Variants in TMED10 observed in about 807,000 individuals in gnomAD.
TMED10 encodes the protein transmembrane p24 trafficking protein 10.
Under a neutral mutation model 23.1 loss-of-function variants are expected in TMED10, and 7 were observed. The ratio of observed to expected loss-of-function variants is 0.30; its 90% CI spans 0.17 to 0.57. TMED10 has a LOEUF of 0.57. Among genes scored for constraint, TMED10 ranks in the 20% least tolerant of loss-of-function variants. The pLI, the probability that TMED10 is intolerant of heterozygous loss-of-function variation, is 0.91. For missense variants in TMED10, 162 were observed against 274.8 expected (o/e 0.59, Z 2.90); for synonymous variants, 113 against 106.9 (o/e 1.06, Z -0.35).
At chr14:75,135,582 CTCTCTTGAAAA>C in intron 4 of TMED10, 167 bp downstream of exon 4, 1 of 802,968 alleles carries the variant, frequency 1.2e-6, no homozygotes, top group Non-Finnish European at 1.9e-6. Flanking sequence ...GGAGTTTCTA[CTCTCTTGAAAA>C]TCTAACAAGG....
At chr14:75,161,710 A>G (rs565292094) in intron 1 of TMED10, among the ~76,000 whole-genome samples, 13 of 151,976 alleles carry the variant, frequency 8.6e-5, no homozygotes, top group Admixed American at 8.5e-4. Flanking sequence ...CCTAAGCACT[A>G]CATTTCTCCC....
intron 1 of TMED10, among the ~76,000 whole-genome samples, chr14:75,168,632 T>G (rs941997802): frequency 6.6e-6 from 1 of 151,978 alleles, no homozygotes; most frequent in Non-Finnish European, 1.5e-5. Context: ...AGAAGAAGGG[T>G]TAAGTAATCC....
At chr14:75,144,922 G>A (rs909542422) in intron 3 of TMED10, among the ~76,000 whole-genome samples, 3 of 152,236 alleles carry the variant, frequency 2.0e-5, no homozygotes, top group Non-Finnish European at 4.4e-5. Context: ...GCCTCCCAAA[G>A]TGCTGGGATT....
Position 75,146,907 on chromosome 14 carries a change from C to CTAGATAGA in TMED10, c.411+756_411+757insTCTATCTA, listed in dbSNP as rs1895888994. ...GACTAAACAGCACTGAATCCATGCCCCAGATAGATAGATAGATAGATAGAT... is the reference window on the plus strand; with the variant it reads ...GACTAAACAGCACTGAATCCATGCCCTAGATAGACAGATAGATAGATAGATAGATAGAT... On this transcript the variant is annotated intron_variant, in intron 3 of 4. Transcript: ENST00000303575. Among the ~76,000 whole-genome samples, 7 of 78,998 alleles carry CTAGATAGA rather than the reference C, an allele frequency of 8.9e-5. No homozygotes were observed. The East Asian group carries it at 1.3e-3, about 14-fold the overall frequency. 51.8% of individuals were successfully genotyped at this position (78,998 alleles called of 152,430 possible). A position where few individuals can be genotyped will look rare whatever the true frequency, so the allele number is the denominator to read the frequency against.
At chr14:75,151,964 T>G in intron 2 of TMED10, 68 bp downstream of exon 2, 2 of 1,317,148 alleles carry the variant, frequency 1.5e-6, no homozygotes, top group South Asian at 2.5e-5. Flanking sequence ...TATTAAGTGC[T>G]GACTGTATTA....
At position 75,131,986 on chromosome 14, in the gene TMED10, AAG is replaced by A. The variant is rs1285519972; in HGVS notation, c.*2897_*2898del. 2.0e-5 allele frequency: 3 copies of A among 152,640 alleles called. No individual in the cohort carries two copies. The highest frequency in any genetic ancestry group is 3.8e-4 in the East Asian group (2 of 5,206). 9.5% of individuals were successfully genotyped at this position (152,640 alleles called of 1,614,324 possible). Reference sequence around the variant, plus strand: ...TTTGTCACATCACAAGAACATAACTAAGAGAGTAGCTTTCGTTGCTCCTAAAA... The same window carrying A: ...TTTGTCACATCACAAGAACATAACTAAGAGTAGCTTTCGTTGCTCCTAAAA... On this transcript the variant is annotated 3_prime_UTR_variant, in exon 5 of 5. Transcript: ENST00000303575.
intron 1 of TMED10, among the ~76,000 whole-genome samples, chr14:75,163,300 C>T (rs1896107338): frequency 6.6e-6 from 1 of 151,828 alleles, no homozygotes; most frequent in Non-Finnish European, 1.5e-5. Context: ...CGCCTGTAAT[C>T]CCAGCACTTT....
intron 4 of TMED10, 26 bp downstream of exon 4, chr14:75,135,731 TAAG>T (rs749653029): frequency 2.5e-6 from 4 of 1,609,400 alleles, no homozygotes; most frequent in African/African-American, 2.7e-5. Flanking sequence ...ATGGGTCACT[TAAG>T]AAGTAAGAGT....
At chr14:75,153,229 T>C (rs543026359) in intron 1 of TMED10, among the ~76,000 whole-genome samples, 10 of 152,154 alleles carry the variant, frequency 6.6e-5, no homozygotes, top group Admixed American at 6.5e-5. Context: ...ACTGGGAAGC[T>C]TGCCGTGTCA....
chr14:75,160,522 G>A (rs929738081), intron 1 of TMED10, among the ~76,000 whole-genome samples: 1 of 151,930 alleles, frequency 6.6e-6, no homozygotes, highest in Non-Finnish European at 1.5e-5. Flanking sequence ...AACCACCTTG[G>A]TGAATCAATA....
At chr14:75,170,457 C>A (rs748557762) in intron 1 of TMED10, among the ~76,000 whole-genome samples, 54 of 152,172 alleles carry the variant, frequency 3.5e-4, no homozygotes, top group Middle Eastern at 6.8e-3. Context: ...CAAGATAAGC[C>A]TAGAACACTT....
intron 1 of TMED10, 172 bp downstream of exon 1, chr14:75,176,183 C>T (rs1004815851): frequency 2.5e-6 from 2 of 789,120 alleles, no homozygotes; most frequent in Admixed American, 5.8e-5. Flanking sequence ...CGCCCCGCCC[C>T]GCGACAGGCA....
chr14:75,157,123 C>T (rs990782226), intron 1 of TMED10, among the ~76,000 whole-genome samples: 3 of 152,042 alleles, frequency 2.0e-5, no homozygotes, highest in African/African-American at 4.8e-5. Flanking sequence ...ACATTTCTAG[C>T]GGTACAACCT....
chr14:75,152,927 G>A (rs1895972596), intron 1 of TMED10, among the ~76,000 whole-genome samples: 1 of 152,122 alleles, frequency 6.6e-6, no homozygotes. Context: ...AGACCATCCT[G>A]GCCAACCAAC....
chr14:75,163,797 AT>A (rs529269760), intron 1 of TMED10, among the ~76,000 whole-genome samples: 160 of 144,656 alleles, frequency 1.1e-3, no homozygotes, highest in Middle Eastern at 3.5e-3. Context: ...TATTGTGAGG[AT>A]TTTTTTTTTT....
At chr14:75,136,283 C>G (rs1162253491) in intron 3 of TMED10, among the ~76,000 whole-genome samples, 1 of 152,136 alleles carries the variant, frequency 6.6e-6, no homozygotes, top group East Asian at 1.9e-4. Flanking sequence ...CTCAGCATCC[C>G]AAGTAGCTGG....
chr14:75,151,235 T>G (rs369813007), intron 2 of TMED10, among the ~76,000 whole-genome samples: 15 of 151,860 alleles, frequency 9.9e-5, no homozygotes, highest in African/African-American at 2.4e-4. Context: ...TTGTTTATTT[T>G]TTTGAGATGG....
At chr14:75,163,917 G>C (rs1280675373) in intron 1 of TMED10, among the ~76,000 whole-genome samples, 1 of 151,716 alleles carries the variant, frequency 6.6e-6, no homozygotes, top group Non-Finnish European at 1.5e-5. Flanking sequence ...ACACCACCAC[G>C]CCCAGCTACT....
chr14:75,174,461 T>C (rs544031989), intron 1 of TMED10, among the ~76,000 whole-genome samples: 3 of 152,246 alleles, frequency 2.0e-5, no homozygotes, highest in South Asian at 2.1e-4. Flanking sequence ...GTCTCTTTCA[T>C]TGCTGAAATT....
Sources: allele counts gnomAD v4.1 joint callset (sites outside exome capture counted in the v4.1 genomes callset), GRCh38; gene constraint gnomAD v4.1.1; transcripts MANE v1.5; gene names NCBI Gene and HGNC (gene_info 2026-07-23, HGNC 2026-07-21).